Variants in GATA6 observed in about 807,000 individuals in gnomAD.
GATA6 encodes transcription factor GATA-6.
GATA6 carries 11 observed loss-of-function variants against 48.1 expected under a neutral mutation model. That is an observed-to-expected ratio of 0.23 (90% CI 0.14 to 0.38). GATA6 has a LOEUF of 0.38. GATA6 is among the 10% of genes least tolerant of loss of function. The pLI is 1.00. For synonymous variants in GATA6, 419 were observed against 396.1 expected (o/e 1.06, Z -0.69); for missense variants, 795 against 850.3 (o/e 0.93, Z 0.81).
At chr18:22,192,493 C>G (rs766358260) in intron 6 of GATA6, among the ~76,000 whole-genome samples, 2 of 152,148 alleles carry the variant, frequency 1.3e-5, no homozygotes, top group Non-Finnish European at 2.9e-5. Context: ...TTGTATTTCA[C>G]TGATAGCAAA....
In GATA6 at chr18:22,170,616, C is replaced by T. The variant is rs2033020871; in HGVS notation, c.-37-492C>T. Among the ~76,000 whole-genome samples, 2 of 152,202 alleles carry T rather than the reference C, an allele frequency of 1.3e-5. No individual in the cohort carries two copies. Among genetic ancestry groups the T allele is most frequent in the South Asian group, 4.1e-4 (2 of 4,836 alleles). ...GCCTTCCTTACGCGAAGGGTTTTCC[C>T]GTGGGGAACCCTCACCCCGAGGCAT... On this transcript the variant is annotated intron_variant, in intron 1 of 6. Coordinates refer to ENST00000269216, the MANE Select transcript of GATA6 (RefSeq NM_005257.6). The surrounding 1 kb of genome is among the most constrained non-coding windows in gnomAD (Gnocchi z 6.7).
intron 2 of GATA6, among the ~76,000 whole-genome samples, chr18:22,173,424 C>G (rs958998233): frequency 3.3e-5 from 5 of 152,048 alleles, no homozygotes; most frequent in African/African-American, 1.2e-4. Flanking sequence ...CAGTCCTACC[C>G]CGGTGTCTTG....
chr18:22,202,341 T>A lies in GATA6; in HGVS notation c.*1518T>A, dbSNP rs979057024. On this transcript the variant is annotated 3_prime_UTR_variant, in exon 7 of 7. Coordinates refer to ENST00000269216, the MANE Select transcript of GATA6 (RefSeq NM_005257.6). ...ATTCTGGCCCACGAACAGGGCGATTTCCTTTCAGTTTTTTCCTTTTGCAAC... is the reference window on the plus strand; with the variant it reads ...ATTCTGGCCCACGAACAGGGCGATTACCTTTCAGTTTTTTCCTTTTGCAAC... 1 of 152,210 alleles carries A rather than the reference T, an allele frequency of 6.6e-6. No individual in the cohort carries two copies. Among genetic ancestry groups the A allele is most frequent in the Non-Finnish European group, 1.5e-5 (1 of 68,044 alleles). The allele number at this position is 152,210 out of a possible 1,614,324, so 9.4% of individuals were successfully genotyped here. A position where few individuals can be genotyped will look rare whatever the true frequency, so the allele number is the denominator to read the frequency against.
rs2033019390 is a variant in GATA6 at position 22,170,552 on chromosome 18, T to C, written c.-37-556T>C. Among the ~76,000 whole-genome samples the C allele has an allele frequency of 2.0e-5, 3 of 152,120 alleles. No individual in the cohort carries two copies. The highest frequency in any genetic ancestry group is 4.4e-5 in the Non-Finnish European group (3 of 68,010). ...GTCCGGGAAGCTCTGGGAGAGCCAA[T>C]ATAGGAGAACGCGGCGGTTTCGTTT... On this transcript the variant is annotated intron_variant, in intron 1 of 6. Coordinates refer to ENST00000269216, the MANE Select transcript of GATA6 (RefSeq NM_005257.6). The surrounding 1 kb of genome is among the most constrained non-coding windows in gnomAD (Gnocchi z 6.7).
chr18:22,177,032 G>T lies in GATA6; in HGVS notation c.1213G>T (p.Gly405Cys). 6.3e-7 allele frequency: 1 copy of T among 1,575,708 alleles called. No individual in the cohort carries two copies. The highest frequency in any genetic ancestry group is 8.6e-7 in the Non-Finnish European group (1 of 1,162,900). ...SIQTPLWRRD[G>C]TGHYLCNACG... is the part of the protein sequence containing the mutation. ...CCAGACGCCGCTGTGGCGGCGGGAC[G>T]GCACCGGCCACTACCTGTGCAACGC... Residue 405 changes from glycine (G) to cysteine (C), a missense_variant, in exon 3 of 7, where the codon GGC (glycine) becomes TGC (cysteine). Physicochemically the swap from Gly to Cys is radical, Grantham distance 159. Around this residue, in one of 5 missense-constraint regions of GATA6, gnomAD observed 76 missense variants for 113.1 expected, o/e 0.67. Transcript: ENST00000269216.
rs1306173324 is a variant in GATA6 at position 22,170,122 on chromosome 18, G to A, written c.-38+440G>A. On this transcript the variant is annotated intron_variant, in intron 1 of 6. Transcript: ENST00000269216. The surrounding 1 kb of genome is among the most constrained non-coding windows in gnomAD (Gnocchi z 6.7). Reference sequence around the variant, plus strand: ...TCCCCCACTCGCTCCGAGTCTCCCTGTCATTCTTCCTGCTCTCCCATTTGG... The same window carrying A: ...TCCCCCACTCGCTCCGAGTCTCCCTATCATTCTTCCTGCTCTCCCATTTGG... Among the ~76,000 whole-genome samples, 1 of 152,182 alleles carries A rather than the reference G, an allele frequency of 6.6e-6. No individual in the cohort carries two copies. The highest frequency in any genetic ancestry group is 1.5e-5 in the Non-Finnish European group (1 of 68,026).
chr18:22,182,980 C>G lies in GATA6; in HGVS notation c.1557C>G (p.Thr519=), dbSNP rs569368270. 6.2e-7 allele frequency: 1 copy of G among 1,614,076 alleles called. No homozygotes were observed. Among genetic ancestry groups the G allele is most frequent in the Admixed American group, 1.7e-5 (1 of 60,026 alleles). The change falls in exon 6 of 7, where the codon ACC becomes ACG. Residue 519 remains threonine, a synonymous_variant. Transcript: ENST00000269216. The part of the protein sequence containing the change: ...NNSIPMTPTS[T]SSNSDDCSKN... The stretch of plus-strand genomic sequence containing the variant: ...CCATTCCCATGACTCCAACTTCCAC[C>G]TCTTCTAACTCAGATGATTGCAGCA...
intron 4 of GATA6, among the ~76,000 whole-genome samples, chr18:22,182,521 C>T (rs1451152767): frequency 6.6e-6 from 1 of 152,062 alleles, no homozygotes; most frequent in Non-Finnish European, 1.5e-5. Context: ...ACAAGTCTGG[C>T]TAATTTTTGT....
rs368201721 is a variant in GATA6, at chr18:22,187,842, AC to A, written c.1620+4800del. On this transcript the variant is annotated intron_variant, in intron 6 of 6. Transcript: ENST00000269216. ...GCAATAATATCTGAAAATGGCAGCT[AC>A]AGAAAAAAAGAAAAAAAAATTAGCA... Among the ~76,000 whole-genome samples the A allele has an allele frequency of 2.2e-3, 326 of 151,186 alleles. 1 individual carries two copies. The highest frequency in any genetic ancestry group is 7.6e-3 in the African/African-American group (308 of 40,504).
chr18:22,174,955 G>A (rs1468803371), intron 2 of GATA6, among the ~76,000 whole-genome samples: 2 of 152,044 alleles, frequency 1.3e-5, no homozygotes, highest in Non-Finnish European at 2.9e-5. Context: ...AGCGCCTGCA[G>A]AACTGTGAGT....
intron 2 of GATA6, among the ~76,000 whole-genome samples, chr18:22,174,059 C>T (rs1360898212): frequency 6.6e-6 from 1 of 152,222 alleles, no homozygotes; most frequent in Non-Finnish European, 1.5e-5. Context: ...AGAGTCAGGG[C>T]TCTCATCCTT....
chr18:22,188,555 A>G (rs922751613), intron 6 of GATA6, among the ~76,000 whole-genome samples: 5 of 152,178 alleles, frequency 3.3e-5, no homozygotes, highest in African/African-American at 9.7e-5. Flanking sequence ...TGAGGCTGGT[A>G]GAACGGGTGG....
chr18:22,171,248 C>T lies in GATA6; in HGVS notation c.104C>T (p.Pro35Leu). ...RAFPAREPST[P>L]PSPISSSSSS... ...TTTCCAGCGCGGGAGCCCTCCACGC[C>T]GCCTTCCCCCATCTCTTCCTCGTCC... The change falls in exon 2 of 7, where the codon CCG becomes CTG. Residue 35 changes from proline (P) to leucine (L), a missense_variant. Physicochemically the swap from Pro to Leu is moderately conservative, Grantham distance 98. Transcript: ENST00000269216. The surrounding 1 kb of genome is among the most constrained non-coding windows in gnomAD (Gnocchi z 7.1). 6.3e-7 allele frequency: 1 copy of T among 1,598,660 alleles called. No individual in the cohort carries two copies. Among genetic ancestry groups the T allele is most frequent in the Non-Finnish European group, 8.5e-7 (1 of 1,179,028 alleles).
chr18:22,176,745 T>C, intron 2 of GATA6: 2 of 553,102 alleles, frequency 3.6e-6, no homozygotes, highest in South Asian at 2.2e-5. Context: ...GCGCTCCGGG[T>C]GTGCAGAAGT....
chr18:22,178,983 C>T (rs548215208), intron 3 of GATA6, among the ~76,000 whole-genome samples: 3 of 152,140 alleles, frequency 2.0e-5, no homozygotes, highest in African/African-American at 7.2e-5. Flanking sequence ...CATTTAGGTT[C>T]CAGTTGCATT....
Position 22,170,204 on chromosome 18 carries a change from C to T in GATA6, c.-38+522C>T, listed in dbSNP as rs552406349. Among the ~76,000 whole-genome samples the T allele has an allele frequency of 7.2e-5, 11 of 152,342 alleles. No homozygotes were observed. The highest frequency in any genetic ancestry group is 2.6e-4 in the African/African-American group (11 of 41,588). On this transcript the variant is annotated intron_variant, in intron 1 of 6. Coordinates refer to ENST00000269216, the MANE Select transcript of GATA6 (RefSeq NM_005257.6). The surrounding 1 kb of genome is among the most constrained non-coding windows in gnomAD (Gnocchi z 6.7). The stretch of plus-strand genomic sequence containing the variant: ...CCCCCCTCCCCAGCCCGTTGCGTTC[C>T]CCCTCCTTTTCTCTGCTCTCCGCTC...
At position 22,185,058 on chromosome 18, in the gene GATA6, C is replaced by G. The variant is rs1281657281; in HGVS notation, c.1620+2015C>G. 6.6e-6 allele frequency among the ~76,000 whole-genome samples: 1 copy of G among 152,156 alleles called. No homozygotes were observed. The highest frequency in any genetic ancestry group is 1.5e-5 in the Non-Finnish European group (1 of 68,018). ...GACTTGGAACCATTGTGGGTGGAGT[C>G]TTGTGATTTTGTGACGTAAAATTTC... On this transcript the variant is annotated intron_variant, in intron 6 of 6. Transcript: ENST00000269216. This position sits in a 1 kb window ranked among gnomAD's most constrained non-coding sequence, Gnocchi z 4.3.
At chr18:22,183,117 T>A in intron 6 of GATA6, 74 bp downstream of exon 6, 1 of 1,145,192 alleles carries the variant, frequency 8.7e-7, no homozygotes, top group Non-Finnish European at 1.3e-6. Flanking sequence ...TTTTATCTTA[T>A]CTGGTAGTAC....
At chr18:22,190,065 A>G (rs1480838541) in intron 6 of GATA6, among the ~76,000 whole-genome samples, 1 of 152,246 alleles carries the variant, frequency 6.6e-6, no homozygotes, top group Non-Finnish European at 1.5e-5. Context: ...GAGAGAAGAA[A>G]GAATGTTTTC....
Sources: allele counts gnomAD v4.1 joint callset (sites outside exome capture counted in the v4.1 genomes callset), GRCh38; gene constraint gnomAD v4.1.1; regional missense constraint gnomAD v4.1.1; non-coding constraint Gnocchi (gnomAD v3.1); transcripts MANE v1.5; gene names NCBI Gene and HGNC (gene_info 2026-07-23, HGNC 2026-07-21).